The following ATP6V1C2 variants were observed in gnomAD, a reference collection of about 807,000 sequenced individuals.
The protein encoded by ATP6V1C2 is V-type proton ATPase subunit C 2.
ATP6V1C2 carries 45 observed loss-of-function variants against 56.8 expected under a neutral mutation model. The observed-to-expected ratio is 0.79, with a 90% CI of 0.62 to 1.02. The LOEUF (loss-of-function observed/expected upper bound fraction) is 1.02. ATP6V1C2 is among the 50% of genes least tolerant of loss of function. The pLI, the probability that ATP6V1C2 is intolerant of heterozygous loss-of-function variation, is 0.00. For synonymous variants in ATP6V1C2, 220 were observed against 201.3 expected (o/e 1.09, Z -0.79); for missense variants, 463 against 519.7 (o/e 0.89, Z 1.06).
chr2:10,756,854 A>G (rs1242350502), intron 4 of ATP6V1C2, among the ~76,000 whole-genome samples: 1 of 152,140 alleles, frequency 6.6e-6, no homozygotes, highest in East Asian at 1.9e-4. Flanking sequence ...CACAGTGACA[A>G]AAATCTCCTA....
At position 10,784,231 on chromosome 2, in the gene ATP6V1C2, A is replaced by C. The variant is rs751303813; in HGVS notation, c.*968A>C. ...AATCCACTGGCTCCCAAGAAAAGAA[A>C]ATGGTCTGAAGCCTCTGTTGTGGCT... On this transcript the variant is annotated 3_prime_UTR_variant, in exon 14 of 14. Transcript: ENST00000272238. The C allele has an allele frequency of 1.9e-6, 3 of 1,583,848 alleles. No homozygotes were observed. The highest frequency in any genetic ancestry group is 2.6e-6 in the Non-Finnish European group (3 of 1,160,364).
Position 10,784,831 on chromosome 2 carries a change from C to G in ATP6V1C2, c.*1568C>G. On this transcript the variant is annotated 3_prime_UTR_variant, in exon 14 of 14. Coordinates refer to ENST00000272238, the MANE Select transcript of ATP6V1C2 (RefSeq NM_001039362.2). ...TAAAAGGCCCACGGGTGCACCAGGG[C>G]TGAGGTCTGATGGGAAGGACTTGAC... 6.1e-6 allele frequency: 5 copies of G among 818,616 alleles called. No individual in the cohort carries two copies. In the South Asian group the frequency reaches 6.3e-5, roughly 10 times the overall value. 50.7% of individuals were successfully genotyped at this position (818,616 alleles called of 1,614,324 possible).
At chr2:10,762,782 C>T (rs988205537) in intron 4 of ATP6V1C2, among the ~76,000 whole-genome samples, 2 of 152,042 alleles carry the variant, frequency 1.3e-5, no homozygotes, top group Non-Finnish European at 2.9e-5. Flanking sequence ...AGAAAGCTGG[C>T]GTGGCCAGGC....
At chr2:10,743,981 CAAAA>C (rs61311440) in intron 3 of ATP6V1C2, among the ~76,000 whole-genome samples, 1,850 of 90,680 alleles carry the variant, frequency 0.02, 19 homozygotes, top group Non-Finnish European at 0.033. Flanking sequence ...GATTCAGTCT[CAAAA>C]AAAAAAAAAA....
At chr2:10,779,105 CTT>C (rs10712133) in intron 12 of ATP6V1C2, among the ~76,000 whole-genome samples, 12,619 of 146,994 alleles carry the variant, frequency 0.086, 668 homozygotes, top group South Asian at 0.16. Flanking sequence ...CTTATTTTGC[CTT>C]TTTTTTTTTT....
intron 1 of ATP6V1C2, 23 bp from the exon 2 acceptor site, chr2:10,722,801 A>G (rs767145605): frequency 1.2e-6 from 2 of 1,607,250 alleles, no homozygotes; most frequent in Non-Finnish European, 1.7e-6. Context: ...CTGTTTGTGT[A>G]TGTTTGTCCT....
chr2:10,754,114 C>T, intron 4 of ATP6V1C2, 48 bp downstream of exon 4: 1 of 1,505,712 alleles, frequency 6.6e-7, no homozygotes, highest in Non-Finnish European at 9.1e-7. Context: ...CCCGCTCCCT[C>T]TAGACCAGAG....
chr2:10,781,544 A>T lies in ATP6V1C2; in HGVS notation c.1062-699A>T, dbSNP rs80129067. Among the ~76,000 whole-genome samples, 131 of 152,304 alleles carry T rather than the reference A, an allele frequency of 8.6e-4. 3 individuals carry two copies. The East Asian group carries it at 0.017, about 20-fold the overall frequency. On this transcript the variant is annotated intron_variant, in intron 12 of 13. Coordinates refer to ENST00000272238, the MANE Select transcript of ATP6V1C2 (RefSeq NM_001039362.2). ...GGTCCTGCTCCCAGGACTTATCTTT[A>T]TGGCAGCCCCGTCTGCACAGAGTAC...
intron 4 of ATP6V1C2, chr2:10,757,309 G>C (rs1395657530): frequency 2.6e-6 from 1 of 391,154 alleles, no homozygotes; most frequent in Non-Finnish European, 4.5e-6. Flanking sequence ...CACCGCGCCC[G>C]GCCAGAGGAG....
At chr2:10,733,037 A>T (rs975130410) in intron 3 of ATP6V1C2, among the ~76,000 whole-genome samples, 1 of 152,096 alleles carries the variant, frequency 6.6e-6, no homozygotes, top group Non-Finnish European at 1.5e-5. Flanking sequence ...TGTGAAACAG[A>T]TAGAACCTGT....
At chr2:10,773,872 G>T (rs536966571) in intron 8 of ATP6V1C2, among the ~76,000 whole-genome samples, 4 of 152,322 alleles carry the variant, frequency 2.6e-5, no homozygotes, top group African/African-American at 9.6e-5. Context: ...GATGGCAATC[G>T]GGATCTAAAT....
intron 3 of ATP6V1C2, among the ~76,000 whole-genome samples, chr2:10,743,879 A>G (rs1325129460): frequency 1.3e-5 from 2 of 151,772 alleles, no homozygotes; most frequent in East Asian, 1.9e-4. Flanking sequence ...CAGCTACTCG[A>G]GAGGCTGAGG....
intron 3 of ATP6V1C2, among the ~76,000 whole-genome samples, chr2:10,752,372 TGGCCAGC>T (rs892660927): frequency 2.6e-5 from 4 of 152,088 alleles, no homozygotes; most frequent in Non-Finnish European, 5.9e-5. Flanking sequence ...GTGGCTGGGG[TGGCCAGC>T]GTCTGCAGCA....
At chr2:10,760,408 C>T (rs1456025667) in intron 4 of ATP6V1C2, among the ~76,000 whole-genome samples, 3 of 151,988 alleles carry the variant, frequency 2.0e-5, no homozygotes, top group Non-Finnish European at 4.4e-5. Flanking sequence ...GGCAGAGGGC[C>T]GTCCTCAGAC....
rs6718547 is a variant in ATP6V1C2 at position 10,780,464 on chromosome 2, T to C, written c.1062-1779T>C. Among the ~76,000 whole-genome samples the C allele has an allele frequency of 0.15, 22,364 of 152,208 alleles. 2,226 individuals are homozygous for C. Among genetic ancestry groups the C allele is most frequent in the African/African-American group, 0.27 (11,335 of 41,512 alleles). On this transcript the variant is annotated intron_variant, in intron 12 of 13. Transcript: ENST00000272238. This position sits in a 1 kb window ranked among gnomAD's most constrained non-coding sequence, Gnocchi z 4.1. ...ACCTTGGTTCCTGGTTCTTCTGCCCTGCACATGCACCGCACCCACACCTGT... is the reference window on the plus strand; with the variant it reads ...ACCTTGGTTCCTGGTTCTTCTGCCCCGCACATGCACCGCACCCACACCTGT...
chr2:10,742,809 A>T (rs1386967101), intron 3 of ATP6V1C2, among the ~76,000 whole-genome samples: 2 of 152,134 alleles, frequency 1.3e-5, no homozygotes, highest in African/African-American at 2.4e-5. Flanking sequence ...AAGGAAGGAA[A>T]GGGCACGTTC....
chr2:10,734,342 C>A (rs1329387686), intron 3 of ATP6V1C2, among the ~76,000 whole-genome samples: 1 of 152,194 alleles, frequency 6.6e-6, no homozygotes, highest in Non-Finnish European at 1.5e-5. Flanking sequence ...TTTACCCTCT[C>A]TAACACACCC....
intron 3 of ATP6V1C2, among the ~76,000 whole-genome samples, chr2:10,743,242 C>G (rs1662665987): frequency 6.6e-6 from 1 of 151,978 alleles, no homozygotes; most frequent in South Asian, 2.1e-4. Flanking sequence ...GCACACCCCA[C>G]TACCCATGGC....
In ATP6V1C2 at chr2:10,754,760, A is replaced by C. The variant is rs191255664; in HGVS notation, c.283+694A>C. The stretch of plus-strand genomic sequence containing the variant: ...GCTAATTTTGTGTGTGTGTGTTTTT[A>C]ATAGAGATGGGGTTTCACCATATTA... On this transcript the variant is annotated intron_variant, in intron 4 of 13. Coordinates refer to ENST00000272238, the MANE Select transcript of ATP6V1C2 (RefSeq NM_001039362.2). Among the ~76,000 whole-genome samples, 27 of 151,838 alleles carry C rather than the reference A, an allele frequency of 1.8e-4. No individual in the cohort carries two copies. In the East Asian group the frequency reaches 4.9e-3, roughly 27 times the overall value.
Sources: allele counts gnomAD v4.1 joint callset (sites outside exome capture counted in the v4.1 genomes callset), GRCh38; gene constraint gnomAD v4.1.1; non-coding constraint Gnocchi (gnomAD v3.1); transcripts MANE v1.5; gene names NCBI Gene and HGNC (gene_info 2026-07-23, HGNC 2026-07-21).